The following CABIN1 variants were observed in gnomAD, a reference collection of about 807,000 sequenced individuals.
The protein encoded by CABIN1 is calcineurin-binding protein cabin-1.
In CABIN1, 133 loss-of-function variants were observed where a neutral mutation model predicts 227.7. That is an observed-to-expected ratio of 0.58 (90% CI 0.51 to 0.67). The LOEUF is 0.67. Ranked by LOEUF, CABIN1 falls within the 30% of genes least tolerant of loss-of-function variation. The pLI, the probability that CABIN1 is intolerant of heterozygous loss-of-function variation, is 0.00. For missense variants in CABIN1, 2,408 were observed against 2,852.5 expected (o/e 0.84, Z 3.55); for synonymous variants, 1,086 against 1,155.1 (o/e 0.94, Z 1.21).
At chr22:24,121,188 T>C (rs1295160538) in intron 28 of CABIN1, among the ~76,000 whole-genome samples, 1 of 152,232 alleles carries the variant, frequency 6.6e-6, no homozygotes, top group Admixed American at 6.5e-5. Flanking sequence ...AGTGGAATGT[T>C]TGAAGAACCA....
At chr22:24,083,107 C>G (rs941434223) in intron 19 of CABIN1, 121 bp from the exon 20 acceptor site, 8 of 993,036 alleles carry the variant, frequency 8.1e-6, no homozygotes, top group African/African-American at 4.8e-5. Context: ...AGGAGCCCAA[C>G]AGACATAGCC....
intron 29 of CABIN1, among the ~76,000 whole-genome samples, chr22:24,150,923 G>C (rs1364394865): frequency 1.3e-5 from 2 of 152,196 alleles, no homozygotes; most frequent in Admixed American, 1.3e-4. Flanking sequence ...TGCTATGCTT[G>C]GGTCAAGTCT....
intron 27 of CABIN1, among the ~76,000 whole-genome samples, chr22:24,114,141 T>C (rs1398370420): frequency 1.3e-5 from 2 of 152,238 alleles, no homozygotes; most frequent in Non-Finnish European, 2.9e-5. Context: ...ACAAATGTGT[T>C]TTCCTTTTAG....
intron 23 of CABIN1, 136 bp from the exon 24 acceptor site, chr22:24,091,447 G>T: frequency 9.0e-7 from 1 of 1,108,792 alleles, no homozygotes; most frequent in Non-Finnish European, 1.4e-6. Context: ...GTGAAATGGT[G>T]AGGGCATTTC....
chr22:24,084,859 C>A, intron 21 of CABIN1, 74 bp downstream of exon 21: 1 of 1,567,388 alleles, frequency 6.4e-7, no homozygotes, highest in South Asian at 1.1e-5. Context: ...GCTGTATATG[C>A]TCCTTTGCTT....
intron 28 of CABIN1, among the ~76,000 whole-genome samples, chr22:24,122,752 C>T (rs976359488): frequency 6.6e-6 from 1 of 152,076 alleles, no homozygotes; most frequent in African/African-American, 2.4e-5. Flanking sequence ...ATGAGCATTT[C>T]GTTTAAGCAC....
At position 24,064,133 on chromosome 22, in the gene CABIN1, C is replaced by T; in HGVS notation, c.1983C>T (p.Asp661=). The T allele has an allele frequency of 6.2e-7, 1 of 1,614,228 alleles. No homozygotes were observed. The highest frequency in any genetic ancestry group is 8.5e-7 in the Non-Finnish European group (1 of 1,180,046). Residue 661 remains aspartate (D), a synonymous_variant, in exon 15 of 37, where the codon GAC becomes GAT. Coordinates refer to ENST00000263119, the MANE Select transcript of CABIN1 (RefSeq NM_012295.4). ...TGGAGGCAGGGGCTGAACGAAGAGA[C>T]ATTGTCATCCGGCTGCCCAACCTCC... is the stretch of plus-strand genomic sequence containing the variant. ...IQVEAGAERR[D]IVIRLPNLHN...
intron 1 of CABIN1, among the ~76,000 whole-genome samples, chr22:24,030,910 G>C (rs2036447264): frequency 6.6e-6 from 1 of 152,216 alleles, no homozygotes; most frequent in Admixed American, 6.5e-5. Context: ...TGGAGACAAA[G>C]AAGCATATGC....
intron 26 of CABIN1, among the ~76,000 whole-genome samples, chr22:24,109,105 A>G (rs1371245881): frequency 2.0e-5 from 3 of 152,166 alleles, no homozygotes; most frequent in Admixed American, 2.0e-4. Flanking sequence ...ATAAATAATT[A>G]TGGCATTTAC....
chr22:24,074,208 C>T (rs2040282983), intron 18 of CABIN1, among the ~76,000 whole-genome samples: 1 of 152,054 alleles, frequency 6.6e-6, no homozygotes, highest in Admixed American at 6.5e-5. Flanking sequence ...TTCTCCTTTT[C>T]CTCAAAATTA....
chr22:24,131,040 TC>T (rs1245542700), intron 28 of CABIN1, among the ~76,000 whole-genome samples: 2 of 152,172 alleles, frequency 1.3e-5, no homozygotes, highest in African/African-American at 4.8e-5. Context: ...TCCATTCCCG[TC>T]CCATGGCCAC....
At chr22:24,167,831 A>G (rs921573599) in intron 32 of CABIN1, among the ~76,000 whole-genome samples, 1 of 152,174 alleles carries the variant, frequency 6.6e-6, no homozygotes, top group Non-Finnish European at 1.5e-5. Context: ...TTTGCAATGC[A>G]TCCTACCCCC....
At chr22:24,151,104 C>T (rs2267067) in intron 29 of CABIN1, among the ~76,000 whole-genome samples, 19,333 of 152,110 alleles carry the variant, frequency 0.13, 1,497 homozygotes, top group East Asian at 0.3. Flanking sequence ...GGAACCCGAA[C>T]GCCCTTGGAG....
intron 15 of CABIN1, 109 bp downstream of exon 15, chr22:24,064,296 C>T (rs9624396): frequency 8.2e-7 from 1 of 1,214,278 alleles, no homozygotes; most frequent in Middle Eastern, 2.6e-4. Flanking sequence ...ACCTACACCT[C>T]TGGGGTTCAA....
chr22:24,020,777 G>A (rs1328032145), intron 1 of CABIN1, among the ~76,000 whole-genome samples: 8 of 152,260 alleles, frequency 5.3e-5, no homozygotes, highest in African/African-American at 1.7e-4. Context: ...TGATTGGCAA[G>A]TGTTGTTTTT....
In CABIN1 at chr22:24,016,867, A is replaced by G. The variant is rs533853468; in HGVS notation, c.-75+5500A>G. On this transcript the variant is annotated intron_variant, in intron 1 of 36. Coordinates refer to ENST00000263119, the MANE Select transcript of CABIN1 (RefSeq NM_012295.4). Reference sequence around the variant, plus strand: ...CTAGTGTTGTTTTGTTTTAATATGCATATCTCTATGAATGATTTGAACATT... The same window carrying G: ...CTAGTGTTGTTTTGTTTTAATATGCGTATCTCTATGAATGATTTGAACATT... Among the ~76,000 whole-genome samples the G allele has an allele frequency of 7.2e-5, 11 of 152,178 alleles. No homozygotes were observed. In the South Asian group the frequency reaches 2.1e-3, roughly 29 times the overall value.
chr22:24,152,464 G>T (rs1569289257), intron 29 of CABIN1, among the ~76,000 whole-genome samples: 1 of 152,122 alleles, frequency 6.6e-6, no homozygotes, highest in Non-Finnish European at 1.5e-5. Context: ...GAACTGTAAG[G>T]CTCAGCAGTC....
intron 29 of CABIN1, chr22:24,156,577 G>A (rs1483288069): frequency 6.5e-6 from 1 of 152,944 alleles, no homozygotes; most frequent in African/African-American, 2.4e-5. Context: ...CTTGGGGATG[G>A]TGAGCTGGCC....
At chr22:24,131,835 G>A (rs2044092227) in intron 28 of CABIN1, among the ~76,000 whole-genome samples, 1 of 152,176 alleles carries the variant, frequency 6.6e-6, no homozygotes, top group Non-Finnish European at 1.5e-5. Flanking sequence ...GGAGGCCAAG[G>A]CGGGCAGATC....
Sources: allele counts gnomAD v4.1 joint callset (sites outside exome capture counted in the v4.1 genomes callset), GRCh38; gene constraint gnomAD v4.1.1; transcripts MANE v1.5; gene names NCBI Gene and HGNC (gene_info 2026-07-23, HGNC 2026-07-21).